RCC2: variants seen among roughly 807,000 people sequenced by gnomAD.
RCC2 encodes regulator of chromosome condensation 2, also known as protein RCC2.
In RCC2, 19 loss-of-function variants were observed where a neutral mutation model predicts 64.1. The observed-to-expected ratio is 0.30, with a 90% CI of 0.21 to 0.44. RCC2 has a LOEUF of 0.44. RCC2 is among the 20% of genes least tolerant of loss of function. The pLI is 1.00. For synonymous variants in RCC2, 325 were observed against 279.6 expected (o/e 1.16, Z -1.62); for missense variants, 508 against 710.4 (o/e 0.72, Z 3.24).
chr1:17,436,334 C>T lies in RCC2; in HGVS notation c.285+1896G>A, dbSNP rs190333808. ...GCCTGGCCAACATGGTAAAACCCAG[C>T]CTCTACAAAAAGTACAAAAATTATT... is the stretch of plus-strand genomic sequence containing the variant. On this transcript the variant is annotated intron_variant, in intron 2 of 12. Transcript: ENST00000375436. Among the ~76,000 whole-genome samples the T allele has an allele frequency of 7.8e-4, 119 of 152,212 alleles. 1 individual carries two copies. The highest frequency in any genetic ancestry group is 2.7e-3 in the African/African-American group (114 of 41,522).
At chr1:17,413,784 T>C in intron 8 of RCC2, 67 bp from the exon 9 acceptor site, 2 of 1,423,578 alleles carry the variant, frequency 1.4e-6, no homozygotes, top group Non-Finnish European at 1.9e-6. Flanking sequence ...GGGGTCATCG[T>C]TTCTGTGCAG....
At chr1:17,416,742 C>A in intron 7 of RCC2, 96 bp from the exon 8 acceptor site, 1 of 1,286,252 alleles carries the variant, frequency 7.8e-7, no homozygotes, top group Non-Finnish European at 1.1e-6. Context: ...CCGGCAGCAC[C>A]CCAATCTGGC....
chr1:17,413,201 C>T (rs775313706), intron 9 of RCC2, 23 bp from the exon 10 acceptor site: 7 of 1,514,482 alleles, frequency 4.6e-6, no homozygotes, highest in African/African-American at 1.4e-5. Context: ...AAAACATGTT[C>T]CCAGCGTGAC....
intron 4 of RCC2, among the ~76,000 whole-genome samples, chr1:17,424,675 A>G (rs1392652492): frequency 1.3e-5 from 2 of 152,246 alleles, no homozygotes; most frequent in African/African-American, 2.4e-5. Context: ...CGGTTCAAAC[A>G]GCCCAAAATA....
chr1:17,425,503 C>G, intron 4 of RCC2, 38 bp downstream of exon 4: 1 of 1,550,590 alleles, frequency 6.4e-7, no homozygotes, highest in Non-Finnish European at 8.8e-7. Context: ...CAGCTGGTGA[C>G]AGTGGTCCCC....
At chr1:17,436,800 C>T in intron 2 of RCC2, among the ~76,000 whole-genome samples, 1 of 152,342 alleles carries the variant, frequency 6.6e-6, no homozygotes, top group African/African-American at 2.4e-5. Context: ...CTCACCTGGC[C>T]TTTCTTTTTA....
intron 2 of RCC2, among the ~76,000 whole-genome samples, chr1:17,431,486 G>GC (rs1370186766): frequency 1.1e-5 from 1 of 93,896 alleles, no homozygotes; most frequent in African/African-American, 4.3e-5. Context: ...TGGTGACAAA[G>GC]CCAGCCCTGT....
intron 10 of RCC2, 118 bp from the exon 11 acceptor site, chr1:17,412,312 T>C: frequency 1.2e-6 from 1 of 838,888 alleles, no homozygotes; most frequent in Non-Finnish European, 1.9e-6. Flanking sequence ...TCATTCCAAG[T>C]AGCAAACACA....
At chr1:17,438,908 C>T (rs1050145952) in intron 1 of RCC2, among the ~76,000 whole-genome samples, 2 of 152,202 alleles carry the variant, frequency 1.3e-5, no homozygotes, top group African/African-American at 4.8e-5. Context: ...CGGGACACTT[C>T]CAGGATTCCC....
intron 7 of RCC2, among the ~76,000 whole-genome samples, chr1:17,419,107 C>T (rs1278833241): frequency 6.6e-6 from 1 of 152,178 alleles, no homozygotes; most frequent in Non-Finnish European, 1.5e-5. Flanking sequence ...GTAATCCCAA[C>T]ACTTTGGGAG....
rs56926341 is a variant in RCC2, at chr1:17,408,789, TAAAA to T, written c.*297_*300del. The stretch of plus-strand genomic sequence containing the variant: ...TCAGGAGAGGAAGAAAGAAAAAACT[TAAAA>T]AAAAAAAAAACCTAGATTGCTCAAA... On this transcript the variant is annotated 3_prime_UTR_variant, in exon 13 of 13. Coordinates refer to ENST00000375436, the MANE Select transcript of RCC2 (RefSeq NM_018715.4). The T allele has an allele frequency of 3.5e-5, 9 of 257,396 alleles. No homozygotes were observed. The highest frequency in any genetic ancestry group is 1.7e-4 in the African/African-American group (7 of 41,908). The allele number at this position is 257,396 out of a possible 1,614,324, so 15.9% of individuals were successfully genotyped here. A position where few individuals can be genotyped will look rare whatever the true frequency, so the allele number is the denominator to read the frequency against.
In RCC2 at chr1:17,420,192, T is replaced by C. The variant is rs192961670; in HGVS notation, c.859+522A>G. On this transcript the variant is annotated intron_variant, in intron 7 of 12. Coordinates refer to ENST00000375436, the MANE Select transcript of RCC2 (RefSeq NM_018715.4). The stretch of plus-strand genomic sequence containing the variant: ...ACTCCCCCCACTAACTGAGAACTGA[T>C]GCCTGAATTCTCCTTTTCCACCAAT... Among the ~76,000 whole-genome samples, 1,139 of 152,294 alleles carry C rather than the reference T, an allele frequency of 7.5e-3. 7 individuals carry two copies. Among genetic ancestry groups the C allele is most frequent in the Non-Finnish European group, 0.012 (806 of 68,024 alleles).
intron 3 of RCC2, among the ~76,000 whole-genome samples, chr1:17,428,434 C>T: frequency 6.6e-6 from 1 of 152,174 alleles, no homozygotes; most frequent in East Asian, 1.9e-4. Flanking sequence ...TTTTAAGGTG[C>T]CAAGACGAGC....
intron 7 of RCC2, among the ~76,000 whole-genome samples, chr1:17,419,645 C>T (rs1265187010): frequency 6.6e-6 from 1 of 152,228 alleles, no homozygotes; most frequent in Non-Finnish European, 1.5e-5. Flanking sequence ...CTGGCACACA[C>T]AGTCACTGCT....
chr1:17,416,199 G>GA lies in RCC2; in HGVS notation c.1026+280dup, dbSNP rs201472654. ...TTATGTTAGATAAAAGCCAAAAGCA[G>GA]AAAGTGCTTACCTTAAGGTGCAGGT... On this transcript the variant is annotated intron_variant, in intron 8 of 12. Coordinates refer to ENST00000375436, the MANE Select transcript of RCC2 (RefSeq NM_018715.4). Among the ~76,000 whole-genome samples the GA allele has an allele frequency of 1.4e-4, 21 of 152,178 alleles. No homozygotes were observed. The East Asian group carries it at 4.1e-3, about 29-fold the overall frequency.
At chr1:17,411,528 A>G (rs536459885) in intron 11 of RCC2, among the ~76,000 whole-genome samples, 1 of 150,994 alleles carries the variant, frequency 6.6e-6, no homozygotes, top group South Asian at 2.1e-4. Flanking sequence ...GGGTGCAGTG[A>G]GCCAAGATCG....
At chr1:17,439,346 T>A (rs1353167977) in intron 1 of RCC2, among the ~76,000 whole-genome samples, 199 bp downstream of exon 1, 55 of 141,476 alleles carry the variant, frequency 3.9e-4, no homozygotes, top group African/African-American at 1.4e-3. Context: ...TTTTTTTTTT[T>A]AATTGATTTT....
At chr1:17,409,903 C>A (rs2075406288) in intron 12 of RCC2, 71 bp downstream of exon 12, 7 of 1,333,258 alleles carry the variant, frequency 5.3e-6, no homozygotes, top group Non-Finnish European at 7.6e-6. Flanking sequence ...CTGCGATGAT[C>A]AAAATCATGA....
intron 11 of RCC2, 60 bp downstream of exon 11, chr1:17,412,062 A>T: frequency 1.4e-6 from 2 of 1,476,372 alleles, no homozygotes; most frequent in Non-Finnish European, 9.5e-7. Flanking sequence ...GAGAACCCAA[A>T]GGCCATGAGC....
Sources: gnomAD v4.1 joint callset for allele counts (sites outside exome capture counted in the v4.1 genomes callset) on GRCh38, gnomAD v4.1.1 for gene constraint, MANE v1.5 for transcripts, NCBI Gene and HGNC (gene_info 2026-07-23, HGNC 2026-07-21) for gene names.